The following MYO1D variants were observed in gnomAD, a reference collection of about 807,000 sequenced individuals.
MYO1D encodes the protein myosin ID.
A neutral mutation model predicts 122.0 loss-of-function variants in MYO1D; 83 were observed. The ratio of observed to expected loss-of-function variants is 0.68; its 90% CI spans 0.57 to 0.82. The LOEUF (loss-of-function observed/expected upper bound fraction) is 0.82. Among genes scored for constraint, MYO1D ranks in the 40% least tolerant of loss-of-function variants. The pLI is 0.00. For missense variants in MYO1D, 1,157 were observed against 1,269.5 expected (o/e 0.91, Z 1.35); for synonymous variants, 464 against 446.9 (o/e 1.04, Z -0.48).
At chr17:32,750,004 C>A (rs989242864) in intron 11 of MYO1D, among the ~76,000 whole-genome samples, 7 of 152,166 alleles carry the variant, frequency 4.6e-5, no homozygotes, top group African/African-American at 1.7e-4. Flanking sequence ...GTAAGTGGTA[C>A]CCCTGGAAAG....
chr17:32,727,947 A>C (rs2089595237), intron 14 of MYO1D, among the ~76,000 whole-genome samples: 2 of 152,236 alleles, frequency 1.3e-5, no homozygotes, highest in Non-Finnish European at 2.9e-5. Flanking sequence ...GCAATATGGA[A>C]ATAGAGATGT....
At chr17:32,852,672 C>G (rs1420303032) in intron 1 of MYO1D, among the ~76,000 whole-genome samples, 1 of 152,038 alleles carries the variant, frequency 6.6e-6, no homozygotes, top group Non-Finnish European at 1.5e-5. Flanking sequence ...CAGTGACTTT[C>G]TTGGGGAATG....
intron 16 of MYO1D, among the ~76,000 whole-genome samples, chr17:32,711,230 T>C (rs1598030138): frequency 6.6e-6 from 1 of 152,314 alleles, no homozygotes; most frequent in East Asian, 1.9e-4. Flanking sequence ...TGATGACAGG[T>C]ACAGCACCAT....
At chr17:32,736,441 T>C (rs952593939) in intron 14 of MYO1D, among the ~76,000 whole-genome samples, 1 of 152,090 alleles carries the variant, frequency 6.6e-6, no homozygotes, top group African/African-American at 2.4e-5. Context: ...GACCAGGAGG[T>C]TGGGTGCCAA....
At chr17:32,570,476 T>C (rs1266762784) in intron 21 of MYO1D, among the ~76,000 whole-genome samples, 1 of 152,100 alleles carries the variant, frequency 6.6e-6, no homozygotes, top group Non-Finnish European at 1.5e-5. Flanking sequence ...GCCATTCTCC[T>C]GCCTCAGCCT....
chr17:32,871,322 A>G (rs2091177660), intron 1 of MYO1D, among the ~76,000 whole-genome samples: 1 of 152,216 alleles, frequency 6.6e-6, no homozygotes, highest in Admixed American at 6.5e-5. Context: ...GCTTCTAAAC[A>G]TCCTACGACA....
intron 20 of MYO1D, among the ~76,000 whole-genome samples, chr17:32,624,147 G>C (rs565578064): frequency 6.6e-6 from 1 of 151,794 alleles, no homozygotes; most frequent in East Asian, 1.9e-4. Context: ...GAACAGAATA[G>C]ATAAGTGGTT....
At chr17:32,549,950 TATAAA>T (rs1175542718) in intron 21 of MYO1D, among the ~76,000 whole-genome samples, 1 of 152,176 alleles carries the variant, frequency 6.6e-6, no homozygotes, top group Non-Finnish European at 1.5e-5. Context: ...AGCATAAAAC[TATAAA>T]GTTCTATGGA....
chr17:32,613,998 ATACTT>A (rs1458643030), intron 20 of MYO1D, among the ~76,000 whole-genome samples: 1 of 151,534 alleles, frequency 6.6e-6, no homozygotes, highest in African/African-American at 2.4e-5. Flanking sequence ...ATATAAAACA[ATACTT>A]CATTTTACAG....
At chr17:32,527,183 C>A (rs1244424592) in intron 21 of MYO1D, among the ~76,000 whole-genome samples, 1 of 152,220 alleles carries the variant, frequency 6.6e-6, no homozygotes, top group Non-Finnish European at 1.5e-5. Context: ...TGGGATCCAA[C>A]TTTCTGCTTT....
chr17:32,836,186 GTTGACA>G (rs2090821152), intron 1 of MYO1D, among the ~76,000 whole-genome samples: 1 of 152,262 alleles, frequency 6.6e-6, no homozygotes, highest in Non-Finnish European at 1.5e-5. Context: ...AGTATTTCTA[GTTGACA>G]GTAACTGCCA....
chr17:32,546,732 C>T (rs1016817798), intron 21 of MYO1D, among the ~76,000 whole-genome samples: 1 of 152,096 alleles, frequency 6.6e-6, no homozygotes, highest in South Asian at 2.1e-4. Context: ...AGAAAGGAAT[C>T]TCAAATTCAA....
intron 17 of MYO1D, among the ~76,000 whole-genome samples, chr17:32,656,306 C>T (rs75865512): frequency 0.018 from 2,722 of 152,254 alleles, 82 homozygotes; most frequent in African/African-American, 0.061. Flanking sequence ...TTTATAACAA[C>T]ACCAGAAAAT....
chr17:32,735,081 AACACACACACACACACACACACACAC>A (rs371150333), intron 14 of MYO1D, among the ~76,000 whole-genome samples: 8 of 138,032 alleles, frequency 5.8e-5, no homozygotes, highest in Non-Finnish European at 1.2e-4. Flanking sequence ...ATTCCATCTG[AACACACACACACACACACACACACAC>A]ACACACACAC....
chr17:32,751,204 T>C (rs7217827), intron 11 of MYO1D, among the ~76,000 whole-genome samples: 5,852 of 152,190 alleles, frequency 0.038, 373 homozygotes, highest in African/African-American at 0.13. Flanking sequence ...GAAGAAGCAA[T>C]GTAGTCCCTA....
chr17:32,724,009 A>G (rs2089542273), intron 14 of MYO1D, among the ~76,000 whole-genome samples: 1 of 152,174 alleles, frequency 6.6e-6, no homozygotes, highest in Non-Finnish European at 1.5e-5. Context: ...CGTTCACTAA[A>G]TCTGTAATGA....
At position 32,712,242 on chromosome 17, in the gene MYO1D, A is replaced by T. The variant is rs9908070; in HGVS notation, c.1914-47T>A. ...GGTTAAGGGAGAAAACCATATGGTC[A>T]TCTCAATAGAAAACTATTCAATAAA... On this transcript the variant is annotated intron_variant, in intron 15 of 21. Coordinates refer to ENST00000318217, the MANE Select transcript of MYO1D (RefSeq NM_015194.3). 1,676 of 1,498,692 alleles carry T rather than the reference A, an allele frequency of 1.1e-3. 20 individuals are homozygous for T. In the African/African-American group the frequency reaches 0.02, roughly 18 times the overall value. 92.8% of individuals were successfully genotyped at this position (1,498,692 alleles called of 1,614,324 possible).
intron 21 of MYO1D, among the ~76,000 whole-genome samples, chr17:32,502,554 T>G (rs1434269157): frequency 3.3e-5 from 5 of 152,252 alleles, no homozygotes; most frequent in Non-Finnish European, 7.3e-5. Flanking sequence ...ATGTGTATTT[T>G]ACCACAATAA....
At chr17:32,813,882 A>G (rs1367822633) in intron 1 of MYO1D, among the ~76,000 whole-genome samples, 3 of 152,230 alleles carry the variant, frequency 2.0e-5, no homozygotes, top group Non-Finnish European at 2.9e-5. Context: ...GTGATTGATC[A>G]GATGGGAGTG....
Sources: gnomAD v4.1 joint callset for allele counts (sites outside exome capture counted in the v4.1 genomes callset) on GRCh38, gnomAD v4.1.1 for gene constraint, MANE v1.5 for transcripts, NCBI Gene and HGNC (gene_info 2026-07-23, HGNC 2026-07-21) for gene names.